Variants in ADAMTS6 observed in about 807,000 individuals in gnomAD.
ADAMTS6 encodes A disintegrin and metalloproteinase with thrombospondin motifs 6.
In ADAMTS6, 23 loss-of-function variants were observed where a neutral mutation model predicts 144.3. The ratio of observed to expected loss-of-function variants is 0.16; its 90% confidence interval spans 0.11 to 0.23. The LOEUF (loss-of-function observed/expected upper bound fraction) is 0.23. ADAMTS6 is among the 10% of genes least tolerant of loss of function. The pLI, the probability that ADAMTS6 is intolerant of heterozygous loss-of-function variation, is 1.00. For missense variants in ADAMTS6, 999 were observed against 1,379.6 expected, an observed-to-expected ratio of 0.72 and a Z score of 4.37; for synonymous variants, 444 against 457.5, an observed-to-expected ratio of 0.97 and a Z score of 0.38.
Position 65,253,373 on chromosome 5 carries a change from C to G in ADAMTS6, c.1830+7227G>C, listed in dbSNP as rs115532410. On this transcript the variant is annotated intron_variant, in intron 14 of 24. Coordinates refer to ENST00000381055, the MANE Select transcript of ADAMTS6 (RefSeq NM_197941.4). Reference sequence around the variant, plus strand: ...TCTTCCAGGATCATTTGAACTTATTCACTGTATTACTTCTAATTAAGTTTC... The same window carrying G: ...TCTTCCAGGATCATTTGAACTTATTGACTGTATTACTTCTAATTAAGTTTC... Among the ~76,000 whole-genome samples the G allele has an allele frequency of 5.5e-3, 832 of 152,238 alleles. 3 individuals are homozygous for G. The highest frequency in any genetic ancestry group is 0.019 in the African/African-American group (805 of 41,534).
At chr5:65,476,886 T>C (rs1020894483) in intron 1 of ADAMTS6, among the ~76,000 whole-genome samples, 2 of 152,194 alleles carry the variant, frequency 1.3e-5, no homozygotes, top group Non-Finnish European at 2.9e-5. Flanking sequence ...GTGCTGGGAT[T>C]CCAGGCGTGA....
At chr5:65,241,878 T>C (rs1327122950) in intron 15 of ADAMTS6, among the ~76,000 whole-genome samples, 1 of 152,152 alleles carries the variant, frequency 6.6e-6, no homozygotes, top group Non-Finnish European at 1.5e-5. Flanking sequence ...CATAATTAGG[T>C]TTTAAGAAAT....
chr5:65,307,238 A>C (rs1282356824), intron 9 of ADAMTS6, among the ~76,000 whole-genome samples: 3 of 152,202 alleles, frequency 2.0e-5, no homozygotes, highest in Non-Finnish European at 2.9e-5. Context: ...GTTAATAATA[A>C]ATTTTTAAGC....
intron 18 of ADAMTS6, among the ~76,000 whole-genome samples, chr5:65,222,059 A>C (rs1757359778): frequency 6.6e-6 from 1 of 152,210 alleles, no homozygotes; most frequent in Non-Finnish European, 1.5e-5. Context: ...TCCACAAATT[A>C]ACCTATAGAT....
At chr5:65,299,405 T>C (rs1326893548) in intron 10 of ADAMTS6, among the ~76,000 whole-genome samples, 1 of 152,184 alleles carries the variant, frequency 6.6e-6, no homozygotes, top group Non-Finnish European at 1.5e-5. Flanking sequence ...TTTCTTAACA[T>C]AGTTATACCT....
At position 65,451,552 on chromosome 5, in the gene ADAMTS6, A is replaced by G. The variant is rs764571855; in HGVS notation, c.996T>C (p.Ile332=). The part of the protein sequence containing the change: ...LDSFCKWQKS[I]LSHQSDGNTI... ...TGTTTCCATCACTTTGGTGGGAGAG[A>G]ATGGATTTCTGCCATTTACAGAAGC... Residue 332 remains isoleucine, a synonymous_variant, in exon 7 of 25, where the codon ATT becomes ATC. Coordinates refer to ENST00000381055, the MANE Select transcript of ADAMTS6 (RefSeq NM_197941.4). The G allele has an allele frequency of 2.5e-6, 4 of 1,613,346 alleles. No individual in the cohort carries two copies. In the South Asian group the frequency reaches 4.4e-5, roughly 18 times the overall value.
chr5:65,178,661 G>T (rs1754134341), intron 22 of ADAMTS6, among the ~76,000 whole-genome samples: 1 of 152,114 alleles, frequency 6.6e-6, no homozygotes. Context: ...CATGTCTAAG[G>T]GCCCTGGCAG....
intron 11 of ADAMTS6, among the ~76,000 whole-genome samples, chr5:65,280,823 C>T (rs1266325089): frequency 6.6e-6 from 1 of 152,098 alleles, no homozygotes; most frequent in Non-Finnish European, 1.5e-5. Flanking sequence ...TTATAAATGA[C>T]TGGGGAAAAA....
At chr5:65,260,556 A>T in intron 14 of ADAMTS6, 44 bp downstream of exon 14, 1 of 1,545,422 alleles carries the variant, frequency 6.5e-7, no homozygotes, top group Non-Finnish European at 8.9e-7. Flanking sequence ...TACTCTAGGG[A>T]AAGAGTAAGC....
At chr5:65,226,741 C>T (rs1757757662) in intron 15 of ADAMTS6, among the ~76,000 whole-genome samples, 1 of 152,012 alleles carries the variant, frequency 6.6e-6, no homozygotes, top group East Asian at 1.9e-4. Flanking sequence ...TGCCACTATG[C>T]CCATCTAATT....
chr5:65,243,207 T>C (rs772469090), intron 14 of ADAMTS6, among the ~76,000 whole-genome samples: 1 of 152,106 alleles, frequency 6.6e-6, no homozygotes, highest in African/African-American at 2.4e-5. Flanking sequence ...AAATTCTGAA[T>C]TGGGAATAAA....
chr5:65,351,037 A>G (rs1354024408), intron 7 of ADAMTS6, among the ~76,000 whole-genome samples: 2 of 152,202 alleles, frequency 1.3e-5, no homozygotes, highest in Non-Finnish European at 2.9e-5. Context: ...GTCTCCTACT[A>G]TATTTCATAA....
At chr5:65,426,714 TA>T (rs1265373992) in intron 7 of ADAMTS6, among the ~76,000 whole-genome samples, 1 of 151,958 alleles carries the variant, frequency 6.6e-6, no homozygotes, top group Non-Finnish European at 1.5e-5. Context: ...TAAAGCTTAT[TA>T]AAAACAAAAC....
intron 21 of ADAMTS6, among the ~76,000 whole-genome samples, chr5:65,196,264 C>T (rs181498055): frequency 7.8e-4 from 118 of 152,106 alleles, no homozygotes; most frequent in African/African-American, 2.6e-3. Context: ...TGGCTGGGCA[C>T]GGTGGCTCAT....
intron 7 of ADAMTS6, among the ~76,000 whole-genome samples, chr5:65,409,323 C>A (rs1393947559): frequency 7.4e-6 from 1 of 134,934 alleles, no homozygotes; most frequent in East Asian, 2.0e-4. Flanking sequence ...GGGATATCAC[C>A]ACTGATCCCA....
intron 10 of ADAMTS6, among the ~76,000 whole-genome samples, chr5:65,295,406 G>T (rs1014539600): frequency 2.0e-5 from 3 of 151,986 alleles, no homozygotes; most frequent in Admixed American, 6.6e-5. Flanking sequence ...TAATAGCACT[G>T]TAGTGATATT....
intron 15 of ADAMTS6, among the ~76,000 whole-genome samples, chr5:65,241,412 G>A (rs1346767696): frequency 6.6e-6 from 1 of 151,840 alleles, no homozygotes; most frequent in Non-Finnish European, 1.5e-5. Context: ...TGTATTTTTA[G>A]TAGAGACGGT....
At chr5:65,325,038 C>A (rs953526963) in intron 9 of ADAMTS6, among the ~76,000 whole-genome samples, 2 of 152,128 alleles carry the variant, frequency 1.3e-5, no homozygotes, top group East Asian at 3.9e-4. Context: ...TACCTAGACA[C>A]AAAAGAGTAC....
intron 14 of ADAMTS6, among the ~76,000 whole-genome samples, chr5:65,253,429 G>A (rs1467019649): frequency 6.6e-6 from 1 of 152,134 alleles, no homozygotes; most frequent in African/African-American, 2.4e-5. Context: ...AAATGACCAA[G>A]CCAAAAACGC....
Sources: gnomAD v4.1 joint callset for allele counts (sites outside exome capture counted in the v4.1 genomes callset) on GRCh38, gnomAD v4.1.1 for gene constraint, MANE v1.5 for transcripts, NCBI Gene and HGNC (gene_info 2026-07-23, HGNC 2026-07-21) for gene names.